The following SLC9B1 variants were observed in gnomAD, a reference collection of about 807,000 sequenced individuals.
SLC9B1 encodes the protein sodium/hydrogen exchanger 9B1.
Under a neutral mutation model 51.7 loss-of-function variants are expected in SLC9B1, and 32 were observed. The observed-to-expected ratio is 0.62, with a 90% CI of 0.47 to 0.83. SLC9B1 has a LOEUF of 0.83. SLC9B1 is among the 40% of genes least tolerant of loss of function. SLC9B1 has a pLI of 0.00. For missense variants in SLC9B1, 406 were observed against 613.2 expected (o/e 0.66, Z 3.57); for synonymous variants, 145 against 212.7 (o/e 0.68, Z 2.77).
At chr4:102,997,130 C>A (rs1740269598) in intron 1 of SLC9B1, among the ~76,000 whole-genome samples, 2 of 152,086 alleles carry the variant, frequency 1.3e-5, no homozygotes, top group Non-Finnish European at 2.9e-5. Context: ...GTACATTCTC[C>A]ACTTTTGTTG....
At position 102,949,325 on chromosome 4, in the gene SLC9B1, G is replaced by T. The variant is rs1240254414; in HGVS notation, c.314C>A (p.Ala105Asp). The T allele has an allele frequency of 6.2e-7, 1 of 1,609,632 alleles. No homozygotes were observed. The highest frequency in any genetic ancestry group is 8.5e-7 in the Non-Finnish European group (1 of 1,178,774). ...LFGLFIIFYSAIIGGKILQLI... is the reference protein window; with the variant it reads ...LFGLFIIFYSDIIGGKILQLI... ...TTGTAAAATTTTTCCCCCAATAATG[G>T]CACTATAAAAAATAATGAACAACCC... is the stretch of plus-strand genomic sequence containing the variant. Residue 105 changes from alanine to aspartate, a missense_variant, in exon 4 of 12, where the codon GCC (alanine) becomes GAC (aspartate). Physicochemically the swap from Ala to Asp is moderately radical, Grantham distance 126 (BLOSUM62 -2). Around this residue, in one of 6 missense-constraint regions of SLC9B1, gnomAD observed 250 missense variants for 394.1 expected, o/e 0.63. Coordinates refer to ENST00000296422, the MANE Select transcript of SLC9B1 (RefSeq NM_139173.4).
intron 6 of SLC9B1, among the ~76,000 whole-genome samples, chr4:102,935,679 G>T (rs534402339): frequency 7.5e-4 from 113 of 151,322 alleles, no homozygotes; most frequent in Middle Eastern, 3.4e-3. Context: ...AAATTTTCTT[G>T]GGTATGATTA....
chr4:102,976,110 A>G (rs1183423084), intron 3 of SLC9B1, among the ~76,000 whole-genome samples: 1 of 152,218 alleles, frequency 6.6e-6, no homozygotes, highest in Non-Finnish European at 1.5e-5. Context: ...CAAGTGTTTC[A>G]ATAAGAGAGT....
chr4:102,948,934 A>G (rs13137892), intron 4 of SLC9B1, among the ~76,000 whole-genome samples: 7,570 of 152,270 alleles, frequency 0.05, 280 homozygotes, highest in Middle Eastern at 0.1. Flanking sequence ...CATGTACCAA[A>G]CCTGCATATG....
chr4:102,885,109 A>G, exon 12 of SLC9B1: 2 of 895,744 alleles, frequency 2.2e-6, no homozygotes, highest in Non-Finnish European at 3.7e-6. Context: ...ATTAAAAAGG[A>G]ATTAATGTAA....
At chr4:102,941,193 G>A (rs1352173405) in intron 6 of SLC9B1, among the ~76,000 whole-genome samples, 1 of 152,050 alleles carries the variant, frequency 6.6e-6, no homozygotes, top group African/African-American at 2.4e-5. Context: ...CACAGCAAAG[G>A]AAATCATCAA....
chr4:103,018,804 A>C (rs917940244), intron 1 of SLC9B1, among the ~76,000 whole-genome samples: 1 of 152,198 alleles, frequency 6.6e-6, no homozygotes, highest in African/African-American at 2.4e-5. Flanking sequence ...ACCCCTGGGC[A>C]GCAGACAGGT....
intron 3 of SLC9B1, among the ~76,000 whole-genome samples, chr4:102,981,591 T>C (rs116211744): frequency 0.012 from 1,815 of 152,266 alleles, 16 homozygotes; most frequent in Non-Finnish European, 0.02. Context: ...TAATTTACAA[T>C]TACCTAATGA....
intron 7 of SLC9B1, among the ~76,000 whole-genome samples, chr4:102,927,668 G>A (rs1736255147): frequency 1.3e-5 from 2 of 152,278 alleles, no homozygotes; most frequent in African/African-American, 2.4e-5. Context: ...ACATTGTGGC[G>A]ATTCCTCGAG....
chr4:102,994,237 T>C (rs899924990), intron 1 of SLC9B1, among the ~76,000 whole-genome samples: 1 of 152,158 alleles, frequency 6.6e-6, no homozygotes, highest in Non-Finnish European at 1.5e-5. Context: ...CACTTAGAAA[T>C]TTCTTCTGCC....
intron 3 of SLC9B1, among the ~76,000 whole-genome samples, chr4:102,960,827 G>C (rs1738071594): frequency 6.6e-6 from 1 of 151,568 alleles, no homozygotes; most frequent in South Asian, 2.1e-4. Flanking sequence ...CCGCCTCCCG[G>C]GTTCAAGCGA....
chr4:102,940,872 G>A (rs555799110), intron 6 of SLC9B1, among the ~76,000 whole-genome samples: 1 of 152,234 alleles, frequency 6.6e-6, no homozygotes, highest in African/African-American at 2.4e-5. Context: ...CAAGCAATGG[G>A]GAAAGGAATC....
intron 1 of SLC9B1, among the ~76,000 whole-genome samples, chr4:103,011,738 C>T (rs1741096267): frequency 6.6e-6 from 1 of 152,156 alleles, no homozygotes. Context: ...CTGCTTGAGC[C>T]ACAGCTGGTG....
intron 6 of SLC9B1, among the ~76,000 whole-genome samples, chr4:102,934,951 G>A (rs930560528): frequency 2.0e-5 from 3 of 152,026 alleles, no homozygotes; most frequent in African/African-American, 7.2e-5. Context: ...AAGCAATTCT[G>A]CTCTTTCTCC....
intron 7 of SLC9B1, among the ~76,000 whole-genome samples, chr4:102,918,160 C>T (rs910280914): frequency 4.7e-5 from 7 of 147,752 alleles, no homozygotes; most frequent in African/African-American, 1.7e-4. Flanking sequence ...AAATAATCAG[C>T]TAGAATATTT....
intron 3 of SLC9B1, among the ~76,000 whole-genome samples, chr4:102,973,119 A>T (rs1738850640): frequency 6.6e-6 from 1 of 152,146 alleles, no homozygotes; most frequent in South Asian, 2.1e-4. Flanking sequence ...TTTATCAATA[A>T]CCACAATAAA....
At chr4:103,018,106 A>G (rs1437612128) in intron 1 of SLC9B1, among the ~76,000 whole-genome samples, 1 of 152,240 alleles carries the variant, frequency 6.6e-6, no homozygotes, top group East Asian at 1.9e-4. Context: ...TGTTTAGTAA[A>G]CACCACAGTA....
intron 3 of SLC9B1, among the ~76,000 whole-genome samples, chr4:102,976,790 A>G (rs372134357): frequency 2.0e-5 from 3 of 152,310 alleles, no homozygotes; most frequent in African/African-American, 7.2e-5. Context: ...TGGAAAGAAA[A>G]TTCATAATTG....
chr4:102,924,027 G>A (rs1253704913), intron 7 of SLC9B1, among the ~76,000 whole-genome samples: 3 of 152,156 alleles, frequency 2.0e-5, no homozygotes, highest in Admixed American at 2.0e-4. Flanking sequence ...AGCTACCAAT[G>A]ACTTTCTTCA....
Sources: allele counts gnomAD v4.1 joint callset (sites outside exome capture counted in the v4.1 genomes callset), GRCh38; gene constraint gnomAD v4.1.1; regional missense constraint gnomAD v4.1.1; transcripts MANE v1.5; gene names NCBI Gene and HGNC (gene_info 2026-07-23, HGNC 2026-07-21).